LINGO2: variants seen among roughly 807,000 people sequenced by gnomAD.
LINGO2 encodes the protein leucine-rich repeat and immunoglobulin-like domain-containing nogo receptor-interacting protein 2.
LINGO2 carries 14 observed loss-of-function variants against 30.6 expected under a neutral mutation model. The ratio of observed to expected loss-of-function variants is 0.46; its 90% CI spans 0.30 to 0.72. The LOEUF (loss-of-function observed/expected upper bound fraction) is 0.72, where lower values mean the gene tolerates loss of function less well. Among genes scored for constraint, LINGO2 ranks in the 30% least tolerant of loss-of-function variants. The pLI, the probability that LINGO2 is intolerant of heterozygous loss-of-function variation, is 0.07. For missense variants in LINGO2, 729 were observed against 751.7 expected, an observed-to-expected ratio of 0.97 and a Z score of 0.35; for synonymous variants, 317 against 288.5, an observed-to-expected ratio of 1.10 and a Z score of -1.00.
chr9:29,103,928 G>A, the LINGO2 span, among the ~76,000 whole-genome samples: 1 of 152,172 alleles, frequency 6.6e-6, no homozygotes, highest in Non-Finnish European at 1.5e-5. Context: ...TCATGAATAA[G>A]TCACGTAACC....
Position 28,668,588 on chromosome 9 carries a change from T to C in LINGO2, c.-365+1612A>G, listed in dbSNP as rs114217228. Among the ~76,000 whole-genome samples, 672 of 152,060 alleles carry C rather than the reference T, an allele frequency of 4.4e-3. 6 individuals are homozygous for C. Among genetic ancestry groups the C allele is most frequent in the African/African-American group, 0.011 (476 of 41,490 alleles). On this transcript the variant is annotated intron_variant, in intron 1 of 5. Coordinates refer to ENST00000379992, the Ensembl canonical transcript of LINGO2. Reference sequence around the variant, plus strand: ...TAACTATACGCTCTGAAAGTACATCTAAAAACAACTAGTGTCCATTGGGTT... The same window carrying C: ...TAACTATACGCTCTGAAAGTACATCCAAAAACAACTAGTGTCCATTGGGTT...
chr9:28,618,962 T>C (rs1826266622), intron 1 of LINGO2, among the ~76,000 whole-genome samples: 1 of 152,126 alleles, frequency 6.6e-6, no homozygotes, highest in African/African-American at 2.4e-5. Context: ...GCAAGATAAG[T>C]TGAGTGTTTA....
chr9:28,859,733 A>T, the LINGO2 span, among the ~76,000 whole-genome samples: 45 of 152,130 alleles, frequency 3.0e-4, 1 homozygote, highest in Middle Eastern at 6.8e-3. Flanking sequence ...CCATTCTTCA[A>T]ATCAATTTTT....
At chr9:28,993,114 G>A in the LINGO2 span, among the ~76,000 whole-genome samples, 55 of 152,138 alleles carry the variant, frequency 3.6e-4, no homozygotes, top group East Asian at 7.7e-4. Context: ...TTGACAGACC[G>A]CTAGCAAGAC....
intron 3 of LINGO2, among the ~76,000 whole-genome samples, chr9:28,307,127 A>T (rs1456669924): frequency 2.0e-5 from 3 of 152,296 alleles, no homozygotes; most frequent in African/African-American, 7.2e-5. Flanking sequence ...ACACAACAAA[A>T]AAAGAGAATT....
At chr9:28,051,914 C>A (rs1163706966) in intron 4 of LINGO2, among the ~76,000 whole-genome samples, 1 of 151,950 alleles carries the variant, frequency 6.6e-6, no homozygotes, top group East Asian at 1.9e-4. Flanking sequence ...GTTTCTTATA[C>A]CTAACAATAA....
At chr9:28,422,647 G>A (rs147751912) in intron 2 of LINGO2, among the ~76,000 whole-genome samples, 132 of 152,104 alleles carry the variant, frequency 8.7e-4, no homozygotes, top group African/African-American at 3.0e-3. Flanking sequence ...TAAATTCCAC[G>A]TGATCTAGCA....
At chr9:28,528,044 T>C (rs976332482) in intron 1 of LINGO2, among the ~76,000 whole-genome samples, 1 of 152,166 alleles carries the variant, frequency 6.6e-6, no homozygotes, top group African/African-American at 2.4e-5. Context: ...GATTTTCTTC[T>C]CCACACTGAT....
At chr9:28,607,162 G>T (rs1825729807) in intron 1 of LINGO2, among the ~76,000 whole-genome samples, 1 of 151,922 alleles carries the variant, frequency 6.6e-6, no homozygotes, top group South Asian at 2.1e-4. Flanking sequence ...TGACCAGAAA[G>T]AAAAACACTA....
chr9:28,199,181 T>G (rs747798367), intron 4 of LINGO2, among the ~76,000 whole-genome samples: 1 of 152,180 alleles, frequency 6.6e-6, no homozygotes, highest in Non-Finnish European at 1.5e-5. Flanking sequence ...TTATTTATCT[T>G]TATTCCCATT....
At chr9:28,274,643 C>T (rs1184677464) in intron 4 of LINGO2, among the ~76,000 whole-genome samples, 1 of 152,136 alleles carries the variant, frequency 6.6e-6, no homozygotes, top group African/African-American at 2.4e-5. Context: ...CTTGCTAAAC[C>T]AAACTGATTC....
At chr9:28,780,943 T>G in the LINGO2 span, among the ~76,000 whole-genome samples, 1 of 151,840 alleles carries the variant, frequency 6.6e-6, no homozygotes, top group Non-Finnish European at 1.5e-5. Context: ...TTTGAAATTT[T>G]GGAGAGAGTA....
At chr9:28,316,487 A>C (rs1259601956) in intron 3 of LINGO2, among the ~76,000 whole-genome samples, 1 of 152,200 alleles carries the variant, frequency 6.6e-6, no homozygotes, top group Non-Finnish European at 1.5e-5. Context: ...ATAGAGGCAA[A>C]GAAGTGGAAT....
chr9:28,437,307 G>C (rs550100355), intron 2 of LINGO2, among the ~76,000 whole-genome samples: 3 of 152,204 alleles, frequency 2.0e-5, no homozygotes, highest in Admixed American at 1.3e-4. Flanking sequence ...TTGGACCCTA[G>C]AACTTACACG....
the LINGO2 span, among the ~76,000 whole-genome samples, chr9:28,943,529 T>C: frequency 2.0e-5 from 3 of 152,186 alleles, no homozygotes; most frequent in Non-Finnish European, 4.4e-5. Flanking sequence ...TTTATTTGCA[T>C]AGTCTGATGT....
chr9:28,530,822 A>G (rs1171342394), intron 1 of LINGO2, among the ~76,000 whole-genome samples: 1 of 151,968 alleles, frequency 6.6e-6, no homozygotes, highest in Non-Finnish European at 1.5e-5. Context: ...TTGCTTATAT[A>G]TGTGTACTGT....
At chr9:28,639,645 C>T (rs1827473717) in intron 1 of LINGO2, among the ~76,000 whole-genome samples, 1 of 152,200 alleles carries the variant, frequency 6.6e-6, no homozygotes, top group Non-Finnish European at 1.5e-5. Context: ...ATTGCAACCC[C>T]TGCCTTCTTT....
intron 1 of LINGO2, among the ~76,000 whole-genome samples, chr9:28,596,666 T>G (rs569617863): frequency 1.3e-5 from 2 of 152,332 alleles, no homozygotes; most frequent in African/African-American, 4.8e-5. Flanking sequence ...TCATTGCAAA[T>G]ATTTTATTTA....
the LINGO2 span, among the ~76,000 whole-genome samples, chr9:28,982,674 C>A: frequency 0.021 from 3,240 of 151,834 alleles, 59 homozygotes; most frequent in South Asian, 0.069. Context: ...GAATCATTAC[C>A]TTATTATACC....
Sources: allele counts gnomAD v4.1 joint callset (sites outside exome capture counted in the v4.1 genomes callset), GRCh38; gene constraint gnomAD v4.1.1; transcripts MANE v1.5; gene names NCBI Gene and HGNC (gene_info 2026-07-23, HGNC 2026-07-21).